CSTPP1: variants seen among roughly 807,000 people sequenced by gnomAD.
The protein encoded by CSTPP1 is UPF0705 protein C11orf49.
the CSTPP1 span, among the ~76,000 whole-genome samples, chr11:47,053,497 T>G: frequency 6.6e-6 from 1 of 151,298 alleles, no homozygotes; most frequent in Non-Finnish European, 1.5e-5. Flanking sequence ...CGCACTCCTA[T>G]AATCCCAGCT....
At chr11:47,144,980 ATTTTTT>A in the CSTPP1 span, among the ~76,000 whole-genome samples, 32 of 92,924 alleles carry the variant, frequency 3.4e-4, no homozygotes, top group East Asian at 8.1e-4. Flanking sequence ...ATTGCCTGCC[ATTTTTT>A]TTTTTTTTTT....
chr11:47,121,859 C>A, the CSTPP1 span, among the ~76,000 whole-genome samples: 1 of 151,224 alleles, frequency 6.6e-6, no homozygotes, highest in Non-Finnish European at 1.5e-5. Flanking sequence ...ATTGCATGAG[C>A]CCAGGAGTTT....
the CSTPP1 span, among the ~76,000 whole-genome samples, chr11:47,057,104 T>C: frequency 3.9e-5 from 6 of 152,206 alleles, no homozygotes; most frequent in Admixed American, 2.0e-4. Context: ...AATTATCTTG[T>C]CCAAATTTTA....
chr11:47,110,533 C>T, the CSTPP1 span, among the ~76,000 whole-genome samples: 2 of 152,112 alleles, frequency 1.3e-5, no homozygotes, highest in African/African-American at 4.8e-5. Flanking sequence ...CTAAACTGCC[C>T]CTTATTGAGT....
chr11:47,153,771 A>G, the CSTPP1 span, among the ~76,000 whole-genome samples: 1 of 152,148 alleles, frequency 6.6e-6, no homozygotes, highest in Admixed American at 6.5e-5. Context: ...CTCTTCAGGA[A>G]GATCGCAGCA....
chr11:47,074,813 G>A, the CSTPP1 span, among the ~76,000 whole-genome samples: 3 of 152,128 alleles, frequency 2.0e-5, no homozygotes, highest in Non-Finnish European at 4.4e-5. Context: ...TGCTTTCAAT[G>A]TTCAAAGCTC....
chr11:47,124,159 C>A, the CSTPP1 span, among the ~76,000 whole-genome samples: 5 of 109,068 alleles, frequency 4.6e-5, no homozygotes. Flanking sequence ...AGGCTCGTTC[C>A]GTCACCCAGG....
chr11:47,087,586 C>G, the CSTPP1 span, among the ~76,000 whole-genome samples: 1 of 152,108 alleles, frequency 6.6e-6, no homozygotes, highest in Non-Finnish European at 1.5e-5. Flanking sequence ...GTAATCCCAG[C>G]TACTCAGGAG....
the CSTPP1 span, among the ~76,000 whole-genome samples, chr11:47,042,936 C>G: frequency 2.0e-5 from 3 of 152,108 alleles, no homozygotes. Flanking sequence ...GCCTCTTATT[C>G]ATTTCATACA....
chr11:47,064,585 C>T, the CSTPP1 span, among the ~76,000 whole-genome samples: 1 of 152,096 alleles, frequency 6.6e-6, no homozygotes, highest in Non-Finnish European at 1.5e-5. Flanking sequence ...TCCTTTCTCC[C>T]CTTGAATGGT....
the CSTPP1 span, among the ~76,000 whole-genome samples, chr11:46,950,469 G>A: frequency 1.4e-4 from 21 of 152,096 alleles, no homozygotes; most frequent in African/African-American, 3.9e-4. Flanking sequence ...CACCGCGCCC[G>A]GCCTAAAGAC....
the CSTPP1 span, among the ~76,000 whole-genome samples, chr11:47,106,642 CA>C: frequency 1.6e-3 from 219 of 133,298 alleles, no homozygotes; most frequent in Admixed American, 2.1e-3. Context: ...GACCCTATCT[CA>C]AAAAAAAAAA....
chr11:47,105,323 C>T, the CSTPP1 span, among the ~76,000 whole-genome samples: 1 of 151,990 alleles, frequency 6.6e-6, no homozygotes, highest in Non-Finnish European at 1.5e-5. Flanking sequence ...AGGGAGACCT[C>T]TCTCAAAAAC....
At chr11:46,959,615 C>A in the CSTPP1 span, among the ~76,000 whole-genome samples, 1 of 152,120 alleles carries the variant, frequency 6.6e-6, no homozygotes, top group Non-Finnish European at 1.5e-5. Flanking sequence ...GTGCCTGATA[C>A]CTACTGTTCC....
At chr11:47,114,328 C>T in the CSTPP1 span, among the ~76,000 whole-genome samples, 2,957 of 152,232 alleles carry the variant, frequency 0.019, 195 homozygotes, top group East Asian at 0.13. Context: ...TTTGGCAATG[C>T]GGGCTCTTTT....
the CSTPP1 span, among the ~76,000 whole-genome samples, chr11:46,940,166 C>G: frequency 6.6e-6 from 1 of 152,236 alleles, no homozygotes; most frequent in African/African-American, 2.4e-5. Flanking sequence ...AGCCACTGCG[C>G]CTGGCCTCGA....
chr11:47,143,593 A>G, the CSTPP1 span, among the ~76,000 whole-genome samples: 1 of 151,884 alleles, frequency 6.6e-6, no homozygotes, highest in African/African-American at 2.4e-5. Context: ...AAGCAAACAG[A>G]CTCCATGACA....
chr11:46,990,557 T>C, the CSTPP1 span, among the ~76,000 whole-genome samples: 1 of 152,214 alleles, frequency 6.6e-6, no homozygotes, highest in African/African-American at 2.4e-5. Flanking sequence ...GGATGCATAG[T>C]TTGTGAATAT....
chr11:47,022,676 G>C, the CSTPP1 span, among the ~76,000 whole-genome samples: 2 of 151,856 alleles, frequency 1.3e-5, no homozygotes, highest in Non-Finnish European at 2.9e-5. Context: ...AGCCACTACA[G>C]TTATCTCTTA....
Sources: allele counts gnomAD v4.1 joint callset (sites outside exome capture counted in the v4.1 genomes callset), GRCh38; gene constraint gnomAD v4.1.1; transcripts MANE v1.5; gene names NCBI Gene and HGNC (gene_info 2026-07-23, HGNC 2026-07-21).